Variants in CHD9 observed in about 807,000 individuals in gnomAD.
The protein encoded by CHD9 is chromodomain helicase DNA binding protein 9, also known as ATP-dependent chromatin remodeler CHD9.
Under a neutral mutation model 316.1 loss-of-function variants are expected in CHD9, and 77 were observed. The ratio of observed to expected loss-of-function variants is 0.24; its 90% CI spans 0.20 to 0.29. The LOEUF (loss-of-function observed/expected upper bound fraction) is 0.29. Ranked by LOEUF, CHD9 falls within the 10% of genes least tolerant of loss-of-function variation. The pLI, the probability that CHD9 is intolerant of heterozygous loss-of-function variation, is 1.00. For missense variants in CHD9, 2,763 were observed against 3,438.1 expected (o/e 0.80, Z 4.91); for synonymous variants, 1,129 against 1,158.3 (o/e 0.97, Z 0.51).
intron 1 of CHD9, among the ~76,000 whole-genome samples, chr16:53,137,877 G>A (rs1044740992): frequency 1.3e-5 from 2 of 152,110 alleles, no homozygotes; most frequent in African/African-American, 2.4e-5. Context: ...GAACTTTAGG[G>A]AATATGATGT....
At chr16:53,261,959 G>T (rs924800027) in intron 19 of CHD9, among the ~76,000 whole-genome samples, 1 of 151,900 alleles carries the variant, frequency 6.6e-6, no homozygotes. Context: ...TCAAAAAATG[G>T]CTTGTTTGCT....
intron 1 of CHD9, among the ~76,000 whole-genome samples, chr16:53,089,789 C>G (rs548676216): frequency 3.3e-4 from 51 of 152,296 alleles, no homozygotes; most frequent in African/African-American, 1.1e-3. Flanking sequence ...GTCAAGGACC[C>G]ATTGTTGATG....
At chr16:53,063,411 A>T (rs1387244382) in intron 1 of CHD9, among the ~76,000 whole-genome samples, 1 of 146,306 alleles carries the variant, frequency 6.8e-6, no homozygotes, top group African/African-American at 2.5e-5. Context: ...CAAAATGTGA[A>T]GGTGATATTT....
rs1395803938 is a variant in CHD9 at position 53,245,677 on chromosome 16, A to G, written c.3281A>G (p.Glu1094Gly). Reference sequence around the variant, plus strand: ...GTGGAAAAGAAGTTGGCACCTAAAGAAGAAACCATCATTGAAGTAGAACTT... The same window carrying G: ...GTGGAAAAGAAGTTGGCACCTAAAGGAGAAACCATCATTGAAGTAGAACTT... ...EDVEKKLAPKEETIIEVELTN... is the reference protein window; with the variant it reads ...EDVEKKLAPKGETIIEVELTN... The change falls in exon 15 of 39, where the codon GAA (glutamate) becomes GGA (glycine). Residue 1094 changes from glutamate (E) to glycine (G), a missense_variant. Glu to Gly is a moderately conservative substitution (Grantham distance 98). This residue lies in a region of CHD9 where 155 missense variants were observed against 291.8 expected (regional missense o/e 0.53). Coordinates refer to ENST00000447540, the MANE Select transcript of CHD9 (RefSeq NM_001308319.2). The surrounding 1 kb of genome is among the most constrained non-coding windows in gnomAD (Gnocchi z 4.1). 6 of 1,609,798 alleles carry G rather than the reference A, an allele frequency of 3.7e-6. No homozygotes were observed. Among genetic ancestry groups the G allele is most frequent in the Non-Finnish European group, 5.1e-6 (6 of 1,178,476 alleles).
chr16:53,173,686 G>A (rs1462803883), intron 2 of CHD9, among the ~76,000 whole-genome samples: 2 of 151,526 alleles, frequency 1.3e-5, no homozygotes, highest in Non-Finnish European at 2.9e-5. Context: ...CTGGGACTAC[G>A]GGTGCCCGCC....
chr16:53,266,521 G>T (rs928033213), intron 20 of CHD9, among the ~76,000 whole-genome samples: 11 of 152,144 alleles, frequency 7.2e-5, no homozygotes, highest in Middle Eastern at 3.4e-3. Flanking sequence ...AGTCTTTCTA[G>T]TATCACTACT....
intron 34 of CHD9, 130 bp downstream of exon 34, chr16:53,308,984 A>G (rs1181744960): frequency 4.7e-6 from 3 of 644,972 alleles, no homozygotes; most frequent in East Asian, 6.1e-5. Flanking sequence ...AAAGTAATCA[A>G]TAGAATTTTA....
chr16:53,153,696 T>C (rs575170634), intron 1 of CHD9, among the ~76,000 whole-genome samples: 1 of 152,080 alleles, frequency 6.6e-6, no homozygotes, highest in Non-Finnish European at 1.5e-5. Flanking sequence ...TGGCTAATTT[T>C]TTTTTTATTT....
intron 1 of CHD9, among the ~76,000 whole-genome samples, chr16:53,131,462 T>C (rs190882713): frequency 0.49 from 70,310 of 144,534 alleles, 17,721 homozygotes; most frequent in African/African-American, 0.6. Context: ...GGGCGCTGCC[T>C]GCACGTGCGG....
At chr16:53,119,805 C>G (rs1276204618) in intron 1 of CHD9, among the ~76,000 whole-genome samples, 1 of 152,144 alleles carries the variant, frequency 6.6e-6, no homozygotes, top group Non-Finnish European at 1.5e-5. Context: ...GCACTCCAAT[C>G]TGGGTGCCAG....
chr16:53,291,815 C>CT, intron 28 of CHD9, 48 bp downstream of exon 28: 1 of 1,148,110 alleles, frequency 8.7e-7, no homozygotes, highest in Non-Finnish European at 1.2e-6. Flanking sequence ...AATTCACATT[C>CT]TAATCATACC....
chr16:53,069,294 G>A (rs539117861), intron 1 of CHD9, among the ~76,000 whole-genome samples: 13 of 152,228 alleles, frequency 8.5e-5, no homozygotes, highest in South Asian at 4.1e-4. Flanking sequence ...ATGAGCCACC[G>A]CGCCCAGCCT....
chr16:53,315,216 T>A (rs1188483797), intron 36 of CHD9, among the ~76,000 whole-genome samples, 172 bp downstream of exon 36: 2 of 152,196 alleles, frequency 1.3e-5, no homozygotes, highest in Non-Finnish European at 2.9e-5. Context: ...TACAATGTTA[T>A]TTTCCATTTT....
rs563836547 is a variant in CHD9, at chr16:53,177,098, G to A, written c.1452+19557G>A. 4.6e-5 allele frequency among the ~76,000 whole-genome samples: 7 copies of A among 152,304 alleles called. No homozygotes were observed. In the East Asian group the frequency reaches 1.4e-3, roughly 29 times the overall value. On this transcript the variant is annotated intron_variant, in intron 2 of 38. Transcript: ENST00000447540. Reference sequence around the variant, plus strand: ...AGCCTCCCAGGTAGCTGGGATTACAGGCACATGCCACCATGCCTGGCTAAT... The same window carrying A: ...AGCCTCCCAGGTAGCTGGGATTACAAGCACATGCCACCATGCCTGGCTAAT...
chr16:53,261,359 CTTTTTTTTTTTT>C (rs1195811638), intron 19 of CHD9, among the ~76,000 whole-genome samples: 19 of 61,882 alleles, frequency 3.1e-4, no homozygotes, highest in Non-Finnish European at 4.5e-4. Flanking sequence ...GTGTTTTAGA[CTTTTTTTTTTTT>C]TTTTTTTTTT....
intron 2 of CHD9, among the ~76,000 whole-genome samples, chr16:53,166,068 A>C (rs1210222669): frequency 6.6e-6 from 1 of 152,140 alleles, no homozygotes. Flanking sequence ...AATTTCTTTC[A>C]GTTGTTTTTT....
chr16:53,301,808 C>T (rs1461486194), intron 30 of CHD9, among the ~76,000 whole-genome samples: 2 of 147,898 alleles, frequency 1.4e-5, no homozygotes, highest in South Asian at 2.2e-4. Flanking sequence ...CTCTGTCGCC[C>T]AGGCTGGTAT....
chr16:53,301,391 G>T (rs1236757980), intron 30 of CHD9, among the ~76,000 whole-genome samples: 1 of 151,958 alleles, frequency 6.6e-6, no homozygotes, highest in Non-Finnish European at 1.5e-5. Flanking sequence ...CAGCACTCAG[G>T]GCCAGAAGAA....
At chr16:53,180,178 C>A (rs1010675416) in intron 2 of CHD9, among the ~76,000 whole-genome samples, 33 of 151,416 alleles carry the variant, frequency 2.2e-4, no homozygotes, top group African/African-American at 8.0e-4. Flanking sequence ...AGCTAATTTT[C>A]GTATTTTTAG....
Sources: allele counts gnomAD v4.1 joint callset (sites outside exome capture counted in the v4.1 genomes callset), GRCh38; gene constraint gnomAD v4.1.1; regional missense constraint gnomAD v4.1.1; non-coding constraint Gnocchi (gnomAD v3.1); transcripts MANE v1.5; gene names NCBI Gene and HGNC (gene_info 2026-07-23, HGNC 2026-07-21).